Variants in SPON1 observed in about 807,000 individuals in gnomAD.
SPON1 encodes spondin-1.
In SPON1, 52 loss-of-function variants were observed where a neutral mutation model predicts 111.7. The observed-to-expected ratio is 0.47, with a 90% confidence interval of 0.37 to 0.59. The LOEUF is 0.59. Among genes scored for constraint, SPON1 ranks in the 20% least tolerant of loss-of-function variants. The pLI is 0.00. For synonymous variants in SPON1, 410 were observed against 395.8 expected (o/e 1.04, Z -0.43); for missense variants, 957 against 1,068.5 (o/e 0.90, Z 1.46).
intron 2 of SPON1, among the ~76,000 whole-genome samples, chr11:14,019,960 G>A (rs1246930107): frequency 2.6e-5 from 4 of 152,168 alleles, no homozygotes; most frequent in African/African-American, 9.7e-5. Context: ...CCTCTCATTA[G>A]CCAAAAGCAG....
At chr11:13,972,963 C>T (rs1006817055) in intron 1 of SPON1, among the ~76,000 whole-genome samples, 8 of 152,138 alleles carry the variant, frequency 5.3e-5, no homozygotes, top group South Asian at 2.1e-4. Flanking sequence ...CTCTGTCCCC[C>T]GTTCCCTCCT....
Position 13,962,896 on chromosome 11 carries a change from G to A in SPON1, c.-9G>A, listed in dbSNP as rs782489734. 1.5e-5 allele frequency: 23 copies of A among 1,504,110 alleles called. No homozygotes were observed. Among genetic ancestry groups the A allele is most frequent in the East Asian group, 5.3e-5 (2 of 37,570 alleles). The allele number at this position is 1,504,110 out of a possible 1,614,324, so 93.2% of individuals were successfully genotyped here. A position where few individuals can be genotyped will look rare whatever the true frequency, so the allele number is the denominator to read the frequency against. On this transcript the variant is annotated 5_prime_UTR_variant, in exon 1 of 16. Coordinates refer to ENST00000576479, the MANE Select transcript of SPON1 (RefSeq NM_006108.4). ...CTGCGGCCGCGGCACAAAGTTGGGG[G>A]CCGCGAAGATGAGGCTGTCCCCGGC...
chr11:14,221,963 C>G (rs1314319074), intron 6 of SPON1, among the ~76,000 whole-genome samples: 2 of 152,192 alleles, frequency 1.3e-5, no homozygotes, highest in East Asian at 3.9e-4. Context: ...GGATCACTGT[C>G]TTATCCAACC....
At chr11:14,109,556 G>A (rs1159808310) in intron 5 of SPON1, among the ~76,000 whole-genome samples, 2 of 152,150 alleles carry the variant, frequency 1.3e-5, no homozygotes, top group African/African-American at 4.8e-5. Context: ...TGTGCACAGA[G>A]TGGCTTTACT....
intron 1 of SPON1, among the ~76,000 whole-genome samples, chr11:13,975,472 A>G (rs1406096241): frequency 6.6e-6 from 1 of 152,234 alleles, no homozygotes; most frequent in African/African-American, 2.4e-5. Flanking sequence ...GATGCAGTGG[A>G]GTTCAAGACA....
At chr11:14,241,829 G>T (rs192053252) in intron 6 of SPON1, among the ~76,000 whole-genome samples, 5 of 152,328 alleles carry the variant, frequency 3.3e-5, no homozygotes, top group Middle Eastern at 3.4e-3. Flanking sequence ...CATGAGAAAT[G>T]TAACTGCTCT....
chr11:14,043,898 C>T (rs529006119), intron 3 of SPON1, among the ~76,000 whole-genome samples: 44 of 152,344 alleles, frequency 2.9e-4, no homozygotes, highest in African/African-American at 1.0e-3. Context: ...TTAGCCCAGG[C>T]ATCCAGGATA....
intron 5 of SPON1, among the ~76,000 whole-genome samples, chr11:14,102,101 A>C (rs2133844043): frequency 6.6e-6 from 1 of 152,328 alleles, no homozygotes; most frequent in East Asian, 1.9e-4. Flanking sequence ...TAAGAGAACA[A>C]GGATGCTCTT....
chr11:14,167,811 A>G (rs1408813714), intron 6 of SPON1, among the ~76,000 whole-genome samples: 1 of 152,144 alleles, frequency 6.6e-6, no homozygotes, highest in Non-Finnish European at 1.5e-5. Context: ...ACCTGTGGAA[A>G]AAACCTAAAT....
At chr11:14,041,795 C>T in intron 3 of SPON1, 141 bp downstream of exon 3, 1 of 858,954 alleles carries the variant, frequency 1.2e-6, no homozygotes, top group Non-Finnish European at 1.8e-6. Context: ...CTCAATAGCA[C>T]CATAGACTAT....
At chr11:13,990,373 CT>C (rs1159719282) in intron 2 of SPON1, among the ~76,000 whole-genome samples, 7 of 21,710 alleles carry the variant, frequency 3.2e-4, no homozygotes, top group Non-Finnish European at 7.0e-4. Flanking sequence ...GCAACTCCTG[CT>C]TTTTTTTTTT....
intron 6 of SPON1, among the ~76,000 whole-genome samples, chr11:14,149,559 G>T (rs1847764125): frequency 6.6e-6 from 1 of 152,198 alleles, no homozygotes; most frequent in Admixed American, 6.5e-5. Context: ...GTAGTGTGCA[G>T]TAATGTCCTA....
At chr11:14,083,030 C>T (rs1408993377) in intron 5 of SPON1, among the ~76,000 whole-genome samples, 2 of 152,112 alleles carry the variant, frequency 1.3e-5, no homozygotes, top group Non-Finnish European at 2.9e-5. Flanking sequence ...AGCCATCAAT[C>T]TTCCATGTAT....
Position 13,962,803 on chromosome 11 carries a change from T to G in SPON1, c.-102T>G, listed in dbSNP as rs1847982860. The G allele has an allele frequency of 8.8e-7, 1 of 1,142,220 alleles. No homozygotes were observed. The highest frequency in any genetic ancestry group is 1.7e-5 in the African/African-American group (1 of 60,398). The allele number at this position is 1,142,220 out of a possible 1,614,324, so 70.8% of individuals were successfully genotyped here. A position where few individuals can be genotyped will look rare whatever the true frequency, so the allele number is the denominator to read the frequency against. Reference sequence around the variant, plus strand: ...GGACGCCAGCTCCGAGCTCCCTCTCTCCGCCGCGCCTCCGCCAGGTCGCGC... The same window carrying G: ...GGACGCCAGCTCCGAGCTCCCTCTCGCCGCCGCGCCTCCGCCAGGTCGCGC... On this transcript the variant is annotated 5_prime_UTR_variant, in exon 1 of 16. Coordinates refer to ENST00000576479, the MANE Select transcript of SPON1 (RefSeq NM_006108.4).
At chr11:14,044,579 T>G (rs1339289126) in intron 3 of SPON1, among the ~76,000 whole-genome samples, 1 of 152,198 alleles carries the variant, frequency 6.6e-6, no homozygotes, top group Non-Finnish European at 1.5e-5. Flanking sequence ...GCCACCGCAC[T>G]CCAGCCTGGG....
intron 5 of SPON1, among the ~76,000 whole-genome samples, chr11:14,110,247 AC>A (rs1554925324): frequency 6.6e-6 from 1 of 152,032 alleles, no homozygotes; most frequent in Non-Finnish European, 1.5e-5. Context: ...ACCATCAGCC[AC>A]CCCATCTCCT....
chr11:14,133,154 G>A (rs776498649), intron 5 of SPON1, among the ~76,000 whole-genome samples: 33 of 152,210 alleles, frequency 2.2e-4, no homozygotes, highest in Non-Finnish European at 4.6e-4. Context: ...CAGGAACTCT[G>A]CTGAAATAAG....
At chr11:13,999,860 G>A (rs554399522) in intron 2 of SPON1, among the ~76,000 whole-genome samples, 3 of 152,086 alleles carry the variant, frequency 2.0e-5, no homozygotes, top group Non-Finnish European at 4.4e-5. Flanking sequence ...GCCCCCAGCT[G>A]GTACCTTATG....
At chr11:14,089,856 G>A (rs1351278715) in intron 5 of SPON1, among the ~76,000 whole-genome samples, 2 of 152,214 alleles carry the variant, frequency 1.3e-5, no homozygotes, top group African/African-American at 4.8e-5. Flanking sequence ...GCCCTGTGAG[G>A]AGGAATCTAG....
Sources: allele counts gnomAD v4.1 joint callset (sites outside exome capture counted in the v4.1 genomes callset), GRCh38; gene constraint gnomAD v4.1.1; transcripts MANE v1.5; gene names NCBI Gene and HGNC (gene_info 2026-07-23, HGNC 2026-07-21).